The following CPA6 variants were observed in gnomAD, a reference collection of about 807,000 sequenced individuals.
CPA6 encodes carboxypeptidase A6.
A neutral mutation model predicts 63.3 loss-of-function variants in CPA6; 58 were observed. The observed-to-expected ratio is 0.92, with a 90% CI of 0.74 to 1.14. CPA6 has a LOEUF of 1.14. Among genes scored for constraint, CPA6 ranks in the 50% most tolerant of loss-of-function variants. The probability of loss-of-function intolerance (pLI) is 0.00; values close to 1 mark genes in which losing one functional copy is unlikely to be tolerated. For missense variants in CPA6, 565 were observed against 526.6 expected (o/e 1.07, Z -0.71); for synonymous variants, 185 against 179.0 (o/e 1.03, Z -0.27).
At chr8:67,678,227 T>TCACACACACACACACA (rs1229557199) in intron 1 of CPA6, among the ~76,000 whole-genome samples, 2 of 127,586 alleles carry the variant, frequency 1.6e-5, no homozygotes, top group South Asian at 2.5e-4. Context: ...AAACTCTGTC[T>TCACACACACACACACA]CACACACACA....
chr8:67,571,291 T>A (rs76755655), intron 2 of CPA6, among the ~76,000 whole-genome samples: 3,063 of 152,184 alleles, frequency 0.02, 39 homozygotes, highest in African/African-American at 0.043. Context: ...ATAGAACAGA[T>A]CATGTAGACA....
At chr8:67,447,827 C>T (rs1189489929) in intron 8 of CPA6, among the ~76,000 whole-genome samples, 1 of 152,098 alleles carries the variant, frequency 6.6e-6, no homozygotes, top group Non-Finnish European at 1.5e-5. Context: ...CTCTGTCACC[C>T]AGGCTGGAGT....
chr8:67,619,361 C>T (rs79642492), intron 2 of CPA6, among the ~76,000 whole-genome samples: 2,179 of 152,320 alleles, frequency 0.014, 60 homozygotes, highest in African/African-American at 0.048. Flanking sequence ...TATTTATCAT[C>T]TCACAGTTCT....
At chr8:67,600,995 A>C (rs1814482577) in intron 2 of CPA6, among the ~76,000 whole-genome samples, 1 of 152,208 alleles carries the variant, frequency 6.6e-6, no homozygotes, top group Admixed American at 6.5e-5. Flanking sequence ...GCATATGTGT[A>C]CATGCATGTA....
chr8:67,735,014 T>C (rs527638669), intron 1 of CPA6, among the ~76,000 whole-genome samples: 3 of 152,324 alleles, frequency 2.0e-5, no homozygotes, highest in South Asian at 4.1e-4. Context: ...TAGAGTGTGG[T>C]ACCCTAGAAC....
chr8:67,543,556 G>C (rs1031603805), intron 2 of CPA6, among the ~76,000 whole-genome samples: 1 of 152,158 alleles, frequency 6.6e-6, no homozygotes, highest in South Asian at 2.1e-4. Flanking sequence ...CCTTGGGAGA[G>C]CTTGTGGTTC....
chr8:67,462,343 A>G (rs1025519246), intron 8 of CPA6, among the ~76,000 whole-genome samples: 5 of 152,234 alleles, frequency 3.3e-5, no homozygotes, highest in Non-Finnish European at 7.3e-5. Flanking sequence ...AGTGCATAAA[A>G]TAGCAGCCTC....
intron 9 of CPA6, chr8:67,429,653 C>A (rs957931258): frequency 1.4e-4 from 21 of 152,096 alleles, no homozygotes; most frequent in African/African-American, 5.1e-4. Context: ...CAATTAAATA[C>A]CTTTATGGAG....
intron 2 of CPA6, among the ~76,000 whole-genome samples, chr8:67,566,193 G>C (rs916534319): frequency 6.6e-6 from 1 of 152,228 alleles, no homozygotes; most frequent in Admixed American, 6.5e-5. Flanking sequence ...TTAGTCATTA[G>C]TTTTCCTGCA....
intron 6 of CPA6, among the ~76,000 whole-genome samples, chr8:67,488,332 T>C (rs1400777003): frequency 6.6e-6 from 1 of 152,230 alleles, no homozygotes; most frequent in African/African-American, 2.4e-5. Context: ...TTGCTTGTTT[T>C]TGTCAGGTTT....
At chr8:67,693,118 C>T (rs1816846837) in intron 1 of CPA6, among the ~76,000 whole-genome samples, 1 of 152,198 alleles carries the variant, frequency 6.6e-6, no homozygotes, top group African/African-American at 2.4e-5. Context: ...AAGACTCATT[C>T]CAAATAAAAT....
intron 2 of CPA6, among the ~76,000 whole-genome samples, chr8:67,615,095 C>T (rs1172245671): frequency 1.3e-5 from 2 of 152,152 alleles, no homozygotes; most frequent in East Asian, 1.9e-4. Flanking sequence ...CAATGGTGCA[C>T]TTCTCTAAAA....
intron 1 of CPA6, among the ~76,000 whole-genome samples, chr8:67,655,438 A>G (rs555399159): frequency 2.0e-5 from 3 of 152,144 alleles, no homozygotes; most frequent in Admixed American, 6.6e-5. Context: ...GGAGAAAAGG[A>G]TTTTGATGGA....
intron 2 of CPA6, among the ~76,000 whole-genome samples, chr8:67,576,373 C>G (rs993994380): frequency 2.6e-5 from 4 of 152,148 alleles, no homozygotes; most frequent in Admixed American, 2.6e-4. Context: ...TTAATCAGGT[C>G]AAGATGTGCT....
chr8:67,599,385 T>C (rs1814433493), intron 2 of CPA6, among the ~76,000 whole-genome samples: 1 of 152,212 alleles, frequency 6.6e-6, no homozygotes. Context: ...TTAGCTTTGC[T>C]TCATGCCTCC....
intron 1 of CPA6, among the ~76,000 whole-genome samples, chr8:67,690,514 G>T (rs1373714437): frequency 6.6e-6 from 1 of 152,066 alleles, no homozygotes; most frequent in Non-Finnish European, 1.5e-5. Context: ...TTGTTCTAAG[G>T]TATGTTATTT....
chr8:67,721,675 T>A (rs1164032661), intron 1 of CPA6, among the ~76,000 whole-genome samples: 2 of 152,152 alleles, frequency 1.3e-5, no homozygotes, highest in African/African-American at 2.4e-5. Context: ...AAAAAACCCC[T>A]ATCACGGATC....
intron 8 of CPA6, among the ~76,000 whole-genome samples, chr8:67,473,362 T>A (rs750459881): frequency 1.3e-5 from 2 of 152,178 alleles, no homozygotes; most frequent in African/African-American, 2.4e-5. Context: ...GTAGATACAT[T>A]ATTTTAAAAG....
chr8:67,738,156 C>G (rs1817849801), intron 1 of CPA6, among the ~76,000 whole-genome samples: 1 of 152,174 alleles, frequency 6.6e-6, no homozygotes, highest in Non-Finnish European at 1.5e-5. Flanking sequence ...AGTAACCACT[C>G]AGAGAGAGAC....
Sources: allele counts gnomAD v4.1 joint callset (sites outside exome capture counted in the v4.1 genomes callset), GRCh38; gene constraint gnomAD v4.1.1; transcripts MANE v1.5; gene names NCBI Gene and HGNC (gene_info 2026-07-23, HGNC 2026-07-21).